The following GABRB1 variants were observed in gnomAD, a reference collection of about 807,000 sequenced individuals.
GABRB1 encodes gamma-aminobutyric acid receptor subunit beta-1.
A neutral mutation model predicts 51.6 loss-of-function variants in GABRB1; 17 were observed. That is an observed-to-expected ratio of 0.33 (90% CI 0.23 to 0.49). GABRB1 has a LOEUF of 0.49. Among genes scored for constraint, GABRB1 ranks in the 20% least tolerant of loss-of-function variants. The pLI is 0.99. For synonymous variants in GABRB1, 247 were observed against 218.9 expected (o/e 1.13, Z -1.14); for missense variants, 410 against 600.6 (o/e 0.68, Z 3.32).
At chr4:47,156,139 A>G (rs1169410219) in intron 3 of GABRB1, among the ~76,000 whole-genome samples, 1 of 151,476 alleles carries the variant, frequency 6.6e-6, no homozygotes, top group African/African-American at 2.4e-5. Flanking sequence ...TTTTTTGAGG[A>G]ACTTCCATAC....
chr4:47,188,246 T>G (rs760641101), intron 4 of GABRB1, among the ~76,000 whole-genome samples: 7 of 152,012 alleles, frequency 4.6e-5, no homozygotes, highest in Non-Finnish European at 7.4e-5. Context: ...TTAACATCTT[T>G]TTAAAAAGCC....
chr4:47,005,484 T>C (rs1469074356), intron 1 of GABRB1, among the ~76,000 whole-genome samples: 4 of 151,966 alleles, frequency 2.6e-5, no homozygotes, highest in Admixed American at 1.3e-4. Flanking sequence ...AGATTTTAAA[T>C]GTCAGTGTAT....
chr4:47,416,453 CTTTT>C (rs770636868), intron 8 of GABRB1, among the ~76,000 whole-genome samples: 1 of 142,064 alleles, frequency 7.0e-6, no homozygotes, highest in African/African-American at 2.6e-5. Flanking sequence ...ATTTGTTTTA[CTTTT>C]TTTTTTTTTT....
intron 3 of GABRB1, among the ~76,000 whole-genome samples, chr4:47,125,468 A>G (rs963575157): frequency 1.3e-5 from 2 of 151,876 alleles, no homozygotes; most frequent in African/African-American, 2.4e-5. Flanking sequence ...GGCATATATT[A>G]TTTAAACTTT....
In GABRB1 at chr4:47,419,442, G is replaced by A. The variant is rs369505091; in HGVS notation, c.1081-6232G>A. On this transcript the variant is annotated intron_variant, in intron 8 of 8. Transcript: ENST00000295454. ...GGCAGGCAAGAAGAAGGTGGACATC[G>A]TGGTTGCAAGAGAGCAAACTTCAAA... is the stretch of plus-strand genomic sequence containing the variant. 1.9e-4 allele frequency among the ~76,000 whole-genome samples: 29 copies of A among 152,312 alleles called. No homozygotes were observed. The East Asian group carries it at 2.7e-3, about 14-fold the overall frequency.
chr4:47,363,632 T>C (rs1027177612), intron 5 of GABRB1, among the ~76,000 whole-genome samples: 1 of 152,162 alleles, frequency 6.6e-6, no homozygotes, highest in Non-Finnish European at 1.5e-5. Context: ...CAGAATGGAT[T>C]ACAGGTTTCG....
At chr4:47,350,204 T>TAGAGAGAG (rs1329460051) in intron 5 of GABRB1, among the ~76,000 whole-genome samples, 1 of 93,314 alleles carries the variant, frequency 1.1e-5, no homozygotes, top group South Asian at 3.8e-4. Context: ...TATATATATA[T>TAGAGAGAG]ATATATATAT....
At chr4:47,043,014 A>G (rs954067777) in intron 3 of GABRB1, 1 of 152,008 alleles carries the variant, frequency 6.6e-6, no homozygotes, top group Non-Finnish European at 1.5e-5. Flanking sequence ...ATGGTGGTGA[A>G]ATTTTCTTAC....
At chr4:47,237,589 CA>C (rs939504843) in intron 4 of GABRB1, among the ~76,000 whole-genome samples, 1 of 151,598 alleles carries the variant, frequency 6.6e-6, no homozygotes, top group African/African-American at 2.4e-5. Context: ...TTAATAATTG[CA>C]AAAAAATACC....
chr4:47,149,678 A>G (rs1356695324), intron 3 of GABRB1, among the ~76,000 whole-genome samples: 2 of 152,070 alleles, frequency 1.3e-5, no homozygotes, highest in African/African-American at 4.8e-5. Flanking sequence ...TTAGATGTGT[A>G]TGTTTGATAC....
chr4:47,108,647 CAT>C (rs1419767228), intron 3 of GABRB1, among the ~76,000 whole-genome samples: 1 of 151,984 alleles, frequency 6.6e-6, no homozygotes, highest in African/African-American at 2.4e-5. Context: ...TTTATAATTA[CAT>C]GTTATAATAA....
At chr4:47,039,070 C>G (rs935533902) in intron 3 of GABRB1, among the ~76,000 whole-genome samples, 1 of 152,024 alleles carries the variant, frequency 6.6e-6, no homozygotes, top group South Asian at 2.1e-4. Context: ...CACTACTTGA[C>G]AGATATGCTT....
At chr4:47,421,436 A>G (rs1729088362) in intron 8 of GABRB1, among the ~76,000 whole-genome samples, 1 of 152,074 alleles carries the variant, frequency 6.6e-6, no homozygotes, top group Non-Finnish European at 1.5e-5. Context: ...TAGAGTGCAG[A>G]TCAGGTGATT....
chr4:47,305,008 C>A (rs750977514), intron 4 of GABRB1, among the ~76,000 whole-genome samples: 1 of 152,026 alleles, frequency 6.6e-6, no homozygotes, highest in Non-Finnish European at 1.5e-5. Flanking sequence ...TTCATTTATT[C>A]TTTTGGCAAG....
chr4:47,101,408 G>A (rs756924393), intron 3 of GABRB1, among the ~76,000 whole-genome samples: 1 of 152,040 alleles, frequency 6.6e-6, no homozygotes, highest in Non-Finnish European at 1.5e-5. Context: ...AGGACCATTA[G>A]AGAGAAATTT....
intron 3 of GABRB1, among the ~76,000 whole-genome samples, chr4:47,152,094 C>G (rs1717485627): frequency 1.3e-5 from 2 of 151,874 alleles, no homozygotes; most frequent in African/African-American, 4.8e-5. Flanking sequence ...TCTATGTTTT[C>G]AGGAATTATA....
chr4:47,036,036 C>T (rs1725542041), intron 3 of GABRB1, among the ~76,000 whole-genome samples: 1 of 152,116 alleles, frequency 6.6e-6, no homozygotes, highest in East Asian at 1.9e-4. Flanking sequence ...TGACTCAATG[C>T]AGGACTCAAT....
At chr4:47,265,435 G>A (rs1049223031) in intron 4 of GABRB1, among the ~76,000 whole-genome samples, 4 of 151,990 alleles carry the variant, frequency 2.6e-5, no homozygotes, top group Admixed American at 2.0e-4. Context: ...GATATCTTTT[G>A]ACATAATAAT....
intron 1 of GABRB1, among the ~76,000 whole-genome samples, chr4:47,024,220 C>T (rs1219339070): frequency 2.6e-5 from 4 of 151,664 alleles, no homozygotes; most frequent in African/African-American, 2.4e-5. Flanking sequence ...AGTAGTTTTA[C>T]TTTCCATGGG....
Sources: allele counts gnomAD v4.1 joint callset (sites outside exome capture counted in the v4.1 genomes callset), GRCh38; gene constraint gnomAD v4.1.1; transcripts MANE v1.5; gene names NCBI Gene and HGNC (gene_info 2026-07-23, HGNC 2026-07-21).